Variants in RARB observed in about 807,000 individuals in gnomAD.
RARB encodes the protein HBV-activated protein.
In RARB, 17 loss-of-function variants were observed where a neutral mutation model predicts 51.9. The ratio of observed to expected loss-of-function variants is 0.33; its 90% CI spans 0.22 to 0.49. The LOEUF (loss-of-function observed/expected upper bound fraction) is 0.49. RARB is among the 20% of genes least tolerant of loss of function. RARB has a pLI of 0.99. For synonymous variants in RARB, 215 were observed against 195.4 expected (o/e 1.10, Z -0.84); for missense variants, 369 against 550.8 (o/e 0.67, Z 3.30).
At chr3:25,570,068 AT>A in intron 4 of RARB, 150 bp downstream of exon 4, 2 of 1,164,350 alleles carry the variant, frequency 1.7e-6, no homozygotes, top group Non-Finnish European at 2.4e-6. Flanking sequence ...AGCTGGGGCT[AT>A]GTAGTAGCCA....
intron 3 of RARB, among the ~76,000 whole-genome samples, chr3:25,556,570 GA>G (rs1700067946): frequency 6.6e-6 from 1 of 152,166 alleles, no homozygotes; most frequent in Non-Finnish European, 1.5e-5. Context: ...GAATTAGATA[GA>G]AATGGGTTCA....
chr3:25,446,913 G>T (rs1339223089), intron 1 of RARB, among the ~76,000 whole-genome samples: 1 of 151,772 alleles, frequency 6.6e-6, no homozygotes, highest in Non-Finnish European at 1.5e-5. Context: ...GGATTCAGGG[G>T]ATGAACTCAC....
intron 3 of RARB, among the ~76,000 whole-genome samples, chr3:25,061,085 G>T (rs1698538989): frequency 6.6e-6 from 1 of 151,784 alleles, no homozygotes. Context: ...ATGGTCCTGA[G>T]TTTTCCTGAG....
At chr3:25,500,835 T>G (rs1697276315) in intron 2 of RARB, among the ~76,000 whole-genome samples, 1 of 152,258 alleles carries the variant, frequency 6.6e-6, no homozygotes, top group African/African-American at 2.4e-5. Flanking sequence ...GGTAGTGCGC[T>G]CATCTGAAAT....
chr3:24,903,932 G>T (rs541757288), intron 2 of RARB, among the ~76,000 whole-genome samples: 1 of 152,062 alleles, frequency 6.6e-6, no homozygotes, highest in Admixed American at 6.6e-5. Flanking sequence ...AGTACTAAAA[G>T]TAAAAACCAT....
At chr3:24,834,603 G>A (rs758985645) in intron 1 of RARB, among the ~76,000 whole-genome samples, 65 of 152,154 alleles carry the variant, frequency 4.3e-4, no homozygotes, top group Non-Finnish European at 8.4e-4. Context: ...CATCTGAGAC[G>A]TGGAAGGTTT....
intron 3 of RARB, among the ~76,000 whole-genome samples, chr3:25,567,314 A>G (rs1700537023): frequency 1.3e-5 from 2 of 152,020 alleles, no homozygotes; most frequent in Non-Finnish European, 2.9e-5. Flanking sequence ...CCTCCCCACC[A>G]ACTTGCCCCC....
At chr3:24,984,763 G>C (rs901831481) in intron 2 of RARB, among the ~76,000 whole-genome samples, 3 of 36,422 alleles carry the variant, frequency 8.2e-5, no homozygotes, top group Non-Finnish European at 1.7e-4. Flanking sequence ...CAAAAAAGTT[G>C]CTGTGTTGGG....
chr3:24,988,836 TTA>T (rs1398434637), intron 2 of RARB, among the ~76,000 whole-genome samples: 1 of 152,190 alleles, frequency 6.6e-6, no homozygotes, highest in African/African-American at 2.4e-5. Context: ...TTATTTATTT[TTA>T]TTTTTGAGAC....
At chr3:25,094,332 C>A (rs1473055585) in intron 3 of RARB, among the ~76,000 whole-genome samples, 2 of 152,096 alleles carry the variant, frequency 1.3e-5, no homozygotes, top group East Asian at 3.9e-4. Context: ...GCCTAATAGT[C>A]ATTTATTAAG....
chr3:25,192,322 C>T (rs570436555), intron 5 of RARB, among the ~76,000 whole-genome samples: 62 of 152,084 alleles, frequency 4.1e-4, no homozygotes, highest in Middle Eastern at 3.4e-3. Flanking sequence ...TGGTAAAGAT[C>T]GTGTAATTGT....
intron 4 of RARB, among the ~76,000 whole-genome samples, chr3:25,170,161 T>C (rs1700620989): frequency 6.6e-6 from 1 of 152,128 alleles, no homozygotes; most frequent in Non-Finnish European, 1.5e-5. Flanking sequence ...TCTTTACAAA[T>C]AGTGCTTTAT....
intron 5 of RARB, among the ~76,000 whole-genome samples, chr3:25,199,252 T>C (rs1324841497): frequency 2.6e-5 from 4 of 151,850 alleles, no homozygotes; most frequent in Non-Finnish European, 5.9e-5. Flanking sequence ...ATTAAAACAA[T>C]TGAACTCATG....
chr3:25,468,372 CTTTTTTT>C (rs34870919), intron 2 of RARB, among the ~76,000 whole-genome samples: 9 of 81,710 alleles, frequency 1.1e-4, no homozygotes, highest in Non-Finnish European at 1.4e-4. Context: ...GGCATTTGGG[CTTTTTTT>C]TTTTTTTTTT....
intron 3 of RARB, among the ~76,000 whole-genome samples, chr3:25,516,677 A>G (rs550969590): frequency 2.3e-4 from 34 of 145,672 alleles, no homozygotes; most frequent in African/African-American, 8.7e-4. Flanking sequence ...TCCAGGCTGG[A>G]GTGCAGTGAT....
At chr3:25,076,102 C>T (rs1159438504) in intron 3 of RARB, among the ~76,000 whole-genome samples, 1 of 151,784 alleles carries the variant, frequency 6.6e-6, no homozygotes, top group Admixed American at 6.6e-5. Flanking sequence ...TTAGATTAAG[C>T]CCTTAAATTG....
At chr3:24,987,020 G>C (rs747674254) in intron 2 of RARB, among the ~76,000 whole-genome samples, 5 of 151,960 alleles carry the variant, frequency 3.3e-5, no homozygotes, top group African/African-American at 4.8e-5. Context: ...AAAAAATACG[G>C]GTTTGAAAAC....
chr3:25,544,798 T>C (rs1195426869), intron 3 of RARB, among the ~76,000 whole-genome samples: 1 of 152,234 alleles, frequency 6.6e-6, no homozygotes, highest in African/African-American at 2.4e-5. Flanking sequence ...CTGGAGTGTG[T>C]AGATTTTTGT....
intron 1 of RARB, among the ~76,000 whole-genome samples, chr3:24,836,924 T>C (rs925899858): frequency 3.3e-5 from 5 of 152,254 alleles, no homozygotes; most frequent in African/African-American, 1.2e-4. Flanking sequence ...TAAGTATTTA[T>C]TGAGCATCTA....
Sources: allele counts gnomAD v4.1 joint callset (sites outside exome capture counted in the v4.1 genomes callset), GRCh38; gene constraint gnomAD v4.1.1; transcripts MANE v1.5; gene names NCBI Gene and HGNC (gene_info 2026-07-23, HGNC 2026-07-21).